The following NEMP2 variants were observed in gnomAD, a reference collection of about 807,000 sequenced individuals.
NEMP2 encodes the protein nuclear envelope integral membrane protein 2.
NEMP2 carries 53 observed loss-of-function variants against 54.2 expected under a neutral mutation model. That is an observed-to-expected ratio of 0.98 (90% CI 0.78 to 1.23). The LOEUF (loss-of-function observed/expected upper bound fraction) is 1.23. Among genes scored for constraint, NEMP2 ranks in the 50% most tolerant of loss-of-function variants. The probability of loss-of-function intolerance (pLI) is 0.00; values close to 1 mark genes in which losing one functional copy is unlikely to be tolerated. For missense variants in NEMP2, 455 were observed against 511.3 expected, an observed-to-expected ratio of 0.89 and a Z score of 1.06; for synonymous variants, 197 against 190.3, an observed-to-expected ratio of 1.04 and a Z score of -0.29.
the NEMP2 span, among the ~76,000 whole-genome samples, chr2:190,429,190 G>C: frequency 6.6e-6 from 1 of 151,468 alleles, no homozygotes; most frequent in South Asian, 2.1e-4. Flanking sequence ...TGATTTTAAA[G>C]AATAAATTTT....
At chr2:190,426,132 T>C in the NEMP2 span, among the ~76,000 whole-genome samples, 8 of 152,358 alleles carry the variant, frequency 5.3e-5, no homozygotes, top group African/African-American at 1.9e-4. This position sits in a 1 kb window ranked among gnomAD's most constrained non-coding sequence, Gnocchi z 4.7. Context: ...TTTACTTCTT[T>C]GACAACTTTT....
At chr2:190,566,291 T>C in the NEMP2 span, among the ~76,000 whole-genome samples, 5 of 152,094 alleles carry the variant, frequency 3.3e-5, no homozygotes, top group Non-Finnish European at 7.4e-5. Context: ...TATATGTGAG[T>C]GTGTTGACTG....
the NEMP2 span, among the ~76,000 whole-genome samples, chr2:190,618,035 T>C: frequency 1.3e-5 from 2 of 152,166 alleles, no homozygotes; most frequent in Admixed American, 6.5e-5. Context: ...GGAAAATCAG[T>C]CTCCCAGGAT....
At chr2:190,462,193 TACAG>T in the NEMP2 span, among the ~76,000 whole-genome samples, 1 of 152,162 alleles carries the variant, frequency 6.6e-6, no homozygotes, top group Non-Finnish European at 1.5e-5. This position sits in a 1 kb window ranked among gnomAD's most constrained non-coding sequence, Gnocchi z 5.7. Context: ...TGAGTACACA[TACAG>T]ACATTTTATG....
chr2:190,495,436 C>G, the NEMP2 span, among the ~76,000 whole-genome samples: 2 of 152,054 alleles, frequency 1.3e-5, no homozygotes, highest in African/African-American at 4.8e-5. This position sits in a 1 kb window ranked among gnomAD's most constrained non-coding sequence, Gnocchi z 4.7. Flanking sequence ...AAGCAATCTA[C>G]AAATTCAATG....
the NEMP2 span, among the ~76,000 whole-genome samples, chr2:190,641,898 A>C: frequency 2.6e-5 from 4 of 152,192 alleles, no homozygotes; most frequent in African/African-American, 7.2e-5. Flanking sequence ...ATCCTTAAAA[A>C]ATTTCCCGAA....
chr2:190,580,765 C>A, the NEMP2 span, among the ~76,000 whole-genome samples: 8 of 152,030 alleles, frequency 5.3e-5, no homozygotes, highest in African/African-American at 1.4e-4. The surrounding 1 kb of genome is among the most constrained non-coding windows in gnomAD (Gnocchi z 5.3). Context: ...CTGACATTAC[C>A]CAGGATAACA....
At chr2:190,438,013 C>T in the NEMP2 span, among the ~76,000 whole-genome samples, 50,483 of 151,928 alleles carry the variant, frequency 0.33, 9,152 homozygotes, top group Admixed American at 0.47. The surrounding 1 kb of genome is among the most constrained non-coding windows in gnomAD (Gnocchi z 5.2). Context: ...GAATATATGG[C>T]ATCTAAAGAT....
the NEMP2 span, chr2:190,617,147 G>A: frequency 7.9e-5 from 12 of 151,586 alleles, no homozygotes; most frequent in South Asian, 1.0e-3. This position sits in a 1 kb window ranked among gnomAD's most constrained non-coding sequence, Gnocchi z 5.0. Flanking sequence ...AAGAATATTT[G>A]AAATATTGAA....
chr2:190,632,951 C>T, the NEMP2 span, among the ~76,000 whole-genome samples: 1 of 152,242 alleles, frequency 6.6e-6, no homozygotes, highest in African/African-American at 2.4e-5. The surrounding 1 kb of genome is among the most constrained non-coding windows in gnomAD (Gnocchi z 4.8). Context: ...CCCACCGTTG[C>T]AGTACTCTTC....
At chr2:190,578,052 G>T in the NEMP2 span, among the ~76,000 whole-genome samples, 43 of 152,278 alleles carry the variant, frequency 2.8e-4, no homozygotes, top group African/African-American at 1.0e-3. The surrounding 1 kb of genome is among the most constrained non-coding windows in gnomAD (Gnocchi z 4.4). Context: ...TTTCCAGTTG[G>T]ACATAAACAA....
At chr2:190,500,301 C>A, downstream of NEMP2, 1 of 1,464,416 alleles carries the variant, frequency 6.8e-7, no homozygotes, top group Non-Finnish European at 9.4e-7. The surrounding 1 kb of genome is among the most constrained non-coding windows in gnomAD (Gnocchi z 5.3). Context: ...CCAGGATATG[C>A]CTCCCCTGGA....
rs1011087215 is a variant in NEMP2 at position 190,509,714 on chromosome 2, T to C, written c.1131-402A>G. ...GAAGAGAAAGCAATAAGGAAAAATT[T>C]TGGGACAGACGTCTTTCTTAGTGAA... On this transcript the variant is annotated intron_variant, in intron 8 of 8. Transcript: ENST00000409150. The surrounding 1 kb of genome is among the most constrained non-coding windows in gnomAD (Gnocchi z 6.1). Among the ~76,000 whole-genome samples, 4 of 152,342 alleles carry C rather than the reference T, an allele frequency of 2.6e-5. No individual in the cohort carries two copies. The highest frequency in any genetic ancestry group is 3.9e-4 in the East Asian group (2 of 5,188).
At chr2:190,620,720 A>ACTC in the NEMP2 span, among the ~76,000 whole-genome samples, 1 of 152,142 alleles carries the variant, frequency 6.6e-6, no homozygotes, top group Admixed American at 6.5e-5. The surrounding 1 kb of genome is among the most constrained non-coding windows in gnomAD (Gnocchi z 4.9). Context: ...AAGAAGGCCC[A>ACTC]CTCTTGTTAC....
the NEMP2 span, chr2:190,488,842 T>C: frequency 6.6e-7 from 1 of 1,516,112 alleles, no homozygotes; most frequent in Non-Finnish European, 8.8e-7. This position sits in a 1 kb window ranked among gnomAD's most constrained non-coding sequence, Gnocchi z 6.4. Context: ...TCTCCTTTTT[T>C]TTCTTTTCTA....
the NEMP2 span, among the ~76,000 whole-genome samples, chr2:190,600,256 G>A: frequency 6.6e-6 from 1 of 152,064 alleles, no homozygotes; most frequent in Non-Finnish European, 1.5e-5. This position sits in a 1 kb window ranked among gnomAD's most constrained non-coding sequence, Gnocchi z 4.9. Flanking sequence ...GGAGAAGGAA[G>A]AAATAGGTTA....
rs913683287 is a variant in NEMP2, at chr2:190,522,503, G to A, written c.213+2760C>T. Among the ~76,000 whole-genome samples the A allele has an allele frequency of 1.3e-5, 2 of 151,928 alleles. No homozygotes were observed. The highest frequency in any genetic ancestry group is 2.4e-5 in the African/African-American group (1 of 41,358). On this transcript the variant is annotated intron_variant, in intron 2 of 8. Transcript: ENST00000409150. The surrounding 1 kb of genome is among the most constrained non-coding windows in gnomAD (Gnocchi z 5.0). ...ATAAAATTCTAACACCCCCGACCCCGCCAACTATCTGAATGAAACCCTGTT... is the reference window on the plus strand; with the variant it reads ...ATAAAATTCTAACACCCCCGACCCCACCAACTATCTGAATGAAACCCTGTT...
At chr2:190,497,846 C>A in the NEMP2 span, 4 of 1,110,780 alleles carry the variant, frequency 3.6e-6, no homozygotes, top group Non-Finnish European at 5.1e-6. This position sits in a 1 kb window ranked among gnomAD's most constrained non-coding sequence, Gnocchi z 5.2. Context: ...AATAGACATG[C>A]AAACAATTTC....
the NEMP2 span, among the ~76,000 whole-genome samples, chr2:190,551,225 C>G: frequency 6.6e-6 from 1 of 151,776 alleles, no homozygotes; most frequent in Non-Finnish European, 1.5e-5. Flanking sequence ...TTTTCTCCAA[C>G]TATAGTTTTA....
Sources: allele counts gnomAD v4.1 joint callset (sites outside exome capture counted in the v4.1 genomes callset), GRCh38; gene constraint gnomAD v4.1.1; non-coding constraint Gnocchi (gnomAD v3.1); transcripts MANE v1.5; gene names NCBI Gene and HGNC (gene_info 2026-07-23, HGNC 2026-07-21).